The following GCNT4 variants were observed in gnomAD, a reference collection of about 807,000 sequenced individuals.
GCNT4 encodes the protein glucosaminyl (N-acetyl) transferase 4.
A neutral mutation model predicts 31.3 loss-of-function variants in GCNT4; 17 were observed. The observed-to-expected ratio is 0.54, with a 90% CI of 0.37 to 0.81. GCNT4 has a LOEUF of 0.81. GCNT4 is among the 40% of genes least tolerant of loss of function. The probability of loss-of-function intolerance (pLI) is 0.00; values close to 1 mark genes in which losing one functional copy is unlikely to be tolerated. For synonymous variants in GCNT4, 158 were observed against 190.6 expected (o/e 0.83, Z 1.41); for missense variants, 503 against 525.5 (o/e 0.96, Z 0.42).
chr5:75,045,483 A>G (rs1011585526), intron 3 of GCNT4, among the ~76,000 whole-genome samples: 1 of 152,324 alleles, frequency 6.6e-6, no homozygotes, highest in East Asian at 1.9e-4. Context: ...AAGACTAAAT[A>G]ATATTCCATT....
chr5:75,042,843 T>G (rs556044096), intron 3 of GCNT4, among the ~76,000 whole-genome samples: 1 of 152,328 alleles, frequency 6.6e-6, no homozygotes, highest in African/African-American at 2.4e-5. Flanking sequence ...TTTCTTGGCT[T>G]AAAATGTACA....
At chr5:75,051,988 G>A (rs1743581422) in intron 2 of GCNT4, among the ~76,000 whole-genome samples, 181 bp downstream of exon 2, 1 of 152,034 alleles carries the variant, frequency 6.6e-6, no homozygotes, top group Non-Finnish European at 1.5e-5. Flanking sequence ...GTGCAACATA[G>A]GATATGCTCT....
rs547466422 is a variant in GCNT4 at position 75,026,647 on chromosome 5, CAAAAAAAAAAAA to C, written c.*2017_*2028del. On this transcript the variant is annotated 3_prime_UTR_variant, in exon 4 of 4. Transcript: ENST00000652361. ...CATATACTATTTCAATCGATTCTCA[CAAAAAAAAAAAA>C]AAAAAAAAAAAAACACTTGTGTGGA... 3 of 65,784 alleles carry C rather than the reference CAAAAAAAAAAAA, an allele frequency of 4.6e-5. No individual in the cohort carries two copies. Among genetic ancestry groups the C allele is most frequent in the East Asian group, 5.2e-4 (1 of 1,922 alleles). The allele number at this position is 65,784 out of a possible 1,614,324, so 4.1% of individuals were successfully genotyped here. A position where few individuals can be genotyped will look rare whatever the true frequency, so the allele number is the denominator to read the frequency against.
Position 75,052,194 on chromosome 5 carries a change from A to G in GCNT4, c.-168T>C, listed in dbSNP as rs1448547088. The G allele has an allele frequency of 1.3e-5, 2 of 151,298 alleles. No homozygotes were observed. The highest frequency in any genetic ancestry group is 1.9e-4 in the East Asian group (1 of 5,160). 9.4% of individuals were successfully genotyped at this position (151,298 alleles called of 1,614,324 possible). A position where few individuals can be genotyped will look rare whatever the true frequency, so the allele number is the denominator to read the frequency against. On this transcript the variant is annotated 5_prime_UTR_variant, in exon 2 of 4. Transcript: ENST00000652361. ...ATGAGACAATTAAACGCATTATATTAGCCCCAACTCTGTTAATCTTCTGGT... is the reference window on the plus strand; with the variant it reads ...ATGAGACAATTAAACGCATTATATTGGCCCCAACTCTGTTAATCTTCTGGT...
chr5:75,035,155 A>G (rs1411960686), intron 3 of GCNT4, among the ~76,000 whole-genome samples: 1 of 152,160 alleles, frequency 6.6e-6, no homozygotes, highest in African/African-American at 2.4e-5. Context: ...ACCTCAGCTA[A>G]GTGGACACGA....
chr5:75,029,897 C>A lies in GCNT4; in HGVS notation c.141G>T (p.Glu47Asp). The A allele has an allele frequency of 6.2e-7, 1 of 1,614,098 alleles. No homozygotes were observed. Among genetic ancestry groups the A allele is most frequent in the East Asian group, 2.2e-5 (1 of 44,872 alleles). ...LFPQKDIYLV[E>D]YSLSTSPFVR... ...CAAAAGGCGAGGTACTTAGGGAGTA[C>A]TCAACCAAGTAAATGTCTTTTTGCG... Residue 47 changes from glutamate (E) to aspartate (D), a missense_variant, in exon 4 of 4, where the codon GAG (glutamate) becomes GAT (aspartate). By Grantham distance (45) the Glu-to-Asp change is conservative. Coordinates refer to ENST00000652361, the MANE Select transcript of GCNT4 (RefSeq NM_001366737.1).
the GCNT4 span, among the ~76,000 whole-genome samples, chr5:75,018,368 G>A: frequency 2.0e-5 from 3 of 152,022 alleles, no homozygotes; most frequent in Admixed American, 1.3e-4. Flanking sequence ...TGCAACTTCC[G>A]CCTCGTGGGT....
rs573907240 is a variant in GCNT4, at chr5:75,025,518, A to G, written c.*3158T>C. The G allele has an allele frequency of 6.6e-6, 1 of 152,346 alleles. No individual in the cohort carries two copies. Among genetic ancestry groups the G allele is most frequent in the Admixed American group, 6.5e-5 (1 of 15,306 alleles). The allele number at this position is 152,346 out of a possible 1,614,324, so 9.4% of individuals were successfully genotyped here. A position where few individuals can be genotyped will look rare whatever the true frequency, so the allele number is the denominator to read the frequency against. The stretch of plus-strand genomic sequence containing the variant: ...TAGAGACCAGTCGATATAAATGTAT[A>G]AAAAGCCCCCAAAACTCTCATTTCA... On this transcript the variant is annotated 3_prime_UTR_variant, in exon 4 of 4. Transcript: ENST00000652361.
Position 75,028,347 on chromosome 5 carries a change from G to A in GCNT4, c.*329C>T, listed in dbSNP as rs1300394025. On this transcript the variant is annotated 3_prime_UTR_variant, in exon 4 of 4. Transcript: ENST00000652361. ...GTTATGTGGAGAACTTAAAGATACC[G>A]AGGTTGCTATGATGAGGATAAGCCG... is the stretch of plus-strand genomic sequence containing the variant. The A allele has an allele frequency of 3.0e-5, 7 of 236,382 alleles. No homozygotes were observed. Among genetic ancestry groups the A allele is most frequent in the Non-Finnish European group, 4.1e-5 (5 of 122,836 alleles). 14.6% of individuals were successfully genotyped at this position (236,382 alleles called of 1,614,324 possible). A position where few individuals can be genotyped will look rare whatever the true frequency, so the allele number is the denominator to read the frequency against.
At chr5:75,032,394 A>G (rs1267863213) in intron 3 of GCNT4, among the ~76,000 whole-genome samples, 1 of 152,138 alleles carries the variant, frequency 6.6e-6, no homozygotes, top group Non-Finnish European at 1.5e-5. Context: ...CACGAGTCCA[A>G]AACTGAACTC....
At chr5:75,053,876 A>G (rs1210700452), upstream of GCNT4, among the ~76,000 whole-genome samples, 2 of 152,170 alleles carry the variant, frequency 1.3e-5, no homozygotes, top group Non-Finnish European at 2.9e-5. Context: ...CACATTAGAC[A>G]AGAAATCTGA....
chr5:75,021,164 T>C (rs1258941898), downstream of GCNT4, among the ~76,000 whole-genome samples: 2 of 152,204 alleles, frequency 1.3e-5, no homozygotes, highest in African/African-American at 4.8e-5. Context: ...GAGGACCCCC[T>C]CTGTCATTGT....
chr5:75,032,794 C>T (rs559068343), intron 3 of GCNT4, among the ~76,000 whole-genome samples: 21 of 152,142 alleles, frequency 1.4e-4, no homozygotes, highest in Non-Finnish European at 2.6e-4. Context: ...AGGCAACTCA[C>T]TGCAACTCCA....
At chr5:75,039,128 A>T (rs1743264125) in intron 3 of GCNT4, among the ~76,000 whole-genome samples, 1 of 151,776 alleles carries the variant, frequency 6.6e-6, no homozygotes, top group African/African-American at 2.4e-5. Context: ...TCTGTCACCC[A>T]CGCTGGAGTG....
rs1359722596 is a variant in GCNT4, at chr5:75,029,443, G to A, written c.595C>T (p.His199Tyr). 1.2e-6 allele frequency: 2 copies of A among 1,614,110 alleles called. No homozygotes were observed. Among genetic ancestry groups the A allele is most frequent in the Non-Finnish European group, 1.7e-6 (2 of 1,180,022 alleles). Residue 199 changes from histidine (H) to tyrosine (Y), a missense_variant, in exon 4 of 4, where the codon CAC becomes TAC. By Grantham distance (83) the His-to-Tyr change is moderately conservative (BLOSUM62 2). Transcript: ENST00000652361. ...AAATCAGCCTGGAGTCTGGAAATGT[G>A]GGCATATTCCACAGCCTCTAATTTG... ...ASKLEAVEYA[H>Y]ISRLQADLNC... is the part of the protein sequence containing the mutation.
chr5:75,021,427 G>A (rs993657898), downstream of GCNT4, among the ~76,000 whole-genome samples: 5 of 152,202 alleles, frequency 3.3e-5, no homozygotes, highest in Non-Finnish European at 5.9e-5. Context: ...GGCTGTGAGA[G>A]GCTGTAATTG....
chr5:75,050,574 T>C (rs1366880299), intron 2 of GCNT4, among the ~76,000 whole-genome samples: 1 of 152,090 alleles, frequency 6.6e-6, no homozygotes, highest in Non-Finnish European at 1.5e-5. Flanking sequence ...GAGTGCACTA[T>C]GTGGCCACTA....
At chr5:75,018,857 C>T in the GCNT4 span, among the ~76,000 whole-genome samples, 2 of 151,942 alleles carry the variant, frequency 1.3e-5, no homozygotes, top group Non-Finnish European at 2.9e-5. Flanking sequence ...GACCAGAGGC[C>T]AAGCCAGGTC....
intron 2 of GCNT4, among the ~76,000 whole-genome samples, chr5:75,050,283 C>G (rs1298866786): frequency 1.3e-5 from 2 of 152,238 alleles, no homozygotes; most frequent in African/African-American, 4.8e-5. Context: ...AAGATGTTGA[C>G]AGTTTACATT....
Sources: allele counts gnomAD v4.1 joint callset (sites outside exome capture counted in the v4.1 genomes callset), GRCh38; gene constraint gnomAD v4.1.1; transcripts MANE v1.5; gene names NCBI Gene and HGNC (gene_info 2026-07-23, HGNC 2026-07-21).